Variants in PAPOLG observed in about 807,000 individuals in gnomAD.
The protein encoded by PAPOLG is poly(A) polymerase gamma.
Under a neutral mutation model 99.0 loss-of-function variants are expected in PAPOLG, and 40 were observed. The ratio of observed to expected loss-of-function variants is 0.40; its 90% CI spans 0.31 to 0.53. The LOEUF is 0.53. PAPOLG is among the 20% of genes least tolerant of loss of function. The pLI is 0.41. For synonymous variants in PAPOLG, 310 were observed against 299.3 expected, an observed-to-expected ratio of 1.04 and a Z score of -0.37; for missense variants, 675 against 884.1, an observed-to-expected ratio of 0.76 and a Z score of 3.00.
At position 60,779,669 on chromosome 2, in the gene PAPOLG, C is replaced by G. The variant is rs1671132696; in HGVS notation, c.727C>G (p.Leu243Val). The G allele has an allele frequency of 6.2e-7, 1 of 1,612,992 alleles. No individual in the cohort carries two copies. The highest frequency in any genetic ancestry group is 8.5e-7 in the Non-Finnish European group (1 of 1,179,188). The change falls in exon 9 of 22, where the codon CTT becomes GTT. Residue 243 changes from leucine (L) to valine (V), a missense_variant. This residue lies in a region of PAPOLG where 113 missense variants were observed against 231.5 expected (regional missense o/e 0.49). Coordinates refer to ENST00000238714, the MANE Select transcript of PAPOLG (RefSeq NM_022894.4). Reference protein sequence around the residue: ...RGIYSNMLGFLGGVSWAMLVA... With the variant: ...RGIYSNMLGFVGGVSWAMLVA... ...TATTTATTCCAACATGCTAGGATTC[C>G]TTGGTGGTGTCTCCTGGGCAATGCT...
chr2:60,767,174 G>A (rs1381118883), intron 3 of PAPOLG, among the ~76,000 whole-genome samples: 1 of 152,114 alleles, frequency 6.6e-6, no homozygotes, highest in East Asian at 1.9e-4. Flanking sequence ...AGGATAATGA[G>A]GAACAAAAAT....
Position 60,791,877 on chromosome 2 carries a change from A to G in PAPOLG, c.1513A>G (p.Lys505Glu). The change falls in exon 16 of 22, where the codon AAA becomes GAA. Residue 505 changes from lysine (K) to glutamate (E), a missense_variant. By Grantham distance (56) the Lys-to-Glu change is moderately conservative. Transcript: ENST00000238714. ...YLPAEILQKK[K>E]KQSLSDVNRS... ...TCCTGCAGAAATTCTTCAAAAGAAG[A>G]AAAAGGTGAGTTTATAATCTTAACC... 1 of 1,611,304 alleles carries G rather than the reference A, an allele frequency of 6.2e-7. No homozygotes were observed.
In PAPOLG at chr2:60,757,834, A is replaced by C. The variant is rs533057646; in HGVS notation, c.17+1339A>C. On this transcript the variant is annotated intron_variant, in intron 1 of 21. Coordinates refer to ENST00000238714, the MANE Select transcript of PAPOLG (RefSeq NM_022894.4). Reference sequence around the variant, plus strand: ...AAGGGAATGTGGGATTCTGTTGTTTACTTTCCCCTCCCCTCTAGATGGGGG... The same window carrying C: ...AAGGGAATGTGGGATTCTGTTGTTTCCTTTCCCCTCCCCTCTAGATGGGGG... 5.3e-5 allele frequency among the ~76,000 whole-genome samples: 8 copies of C among 152,254 alleles called. No homozygotes were observed. In the South Asian group the frequency reaches 1.7e-3, roughly 32 times the overall value.
chr2:60,794,011 G>A lies in PAPOLG; in HGVS notation c.1809G>A (p.Val603=). 6.2e-7 allele frequency: 1 copy of A among 1,612,894 alleles called. No homozygotes were observed. Among genetic ancestry groups the A allele is most frequent in the East Asian group, 2.2e-5 (1 of 44,876 alleles). ...TAAAAACTGTATCACCCCCCACTGT[G>A]TGTACCATTCCTACCGTAGTAGGAC... ...STVKTVSPPT[V]CTIPTVVGRN... Residue 603 remains valine, a synonymous_variant, in exon 19 of 22, where the codon GTG becomes GTA. Transcript: ENST00000238714.
intron 21 of PAPOLG, 166 bp downstream of exon 21, chr2:60,795,186 G>T: frequency 1.5e-6 from 1 of 666,640 alleles, no homozygotes; most frequent in Non-Finnish European, 2.7e-6. Context: ...CAAGTATATA[G>T]TTCTGAATGT....
intron 8 of PAPOLG, among the ~76,000 whole-genome samples, chr2:60,778,305 C>T (rs1355961354): frequency 2.0e-5 from 3 of 149,706 alleles, no homozygotes; most frequent in Non-Finnish European, 4.5e-5. Context: ...TGCCACTACA[C>T]CCGGCTAATT....
In PAPOLG at chr2:60,800,877, GA is replaced by G. The variant is rs1207700331; in HGVS notation, c.*3721del. ...TTTGATTTTGCTGTGGTATATTTCT[GA>G]AAATGTGCTGTGGCTCCTAACTAGT... On this transcript the variant is annotated 3_prime_UTR_variant, in exon 22 of 22. Transcript: ENST00000238714. 3.3e-5 allele frequency: 5 copies of G among 152,410 alleles called. No homozygotes were observed. In the East Asian group the frequency reaches 9.4e-4, roughly 29 times the overall value. 9.4% of individuals were successfully genotyped at this position (152,410 alleles called of 1,614,324 possible).
intron 8 of PAPOLG, among the ~76,000 whole-genome samples, chr2:60,778,312 AATTTT>A (rs70959864): frequency 0.24 from 35,881 of 147,828 alleles, 4,637 homozygotes; most frequent in Middle Eastern, 0.34. Context: ...ACACCCGGCT[AATTTT>A]ATTTTATTTT....
intron 15 of PAPOLG, among the ~76,000 whole-genome samples, chr2:60,790,553 T>C (rs1375720064): frequency 6.6e-6 from 1 of 152,226 alleles, no homozygotes; most frequent in Non-Finnish European, 1.5e-5. Flanking sequence ...TGTGAGTTAA[T>C]AAAACCCATT....
chr2:60,794,759 GAAA>G lies in PAPOLG; in HGVS notation c.2042_2044del (p.Lys681del). ...AAGGACCCCCGCACTGCTGAAGAAA[GAAA>G]AAGAAAATCAGTGGTAAATATATTA... On this transcript the variant is annotated inframe_deletion, in exon 20 of 22. Coordinates refer to ENST00000238714, the MANE Select transcript of PAPOLG (RefSeq NM_022894.4). 1 of 1,608,234 alleles carries G rather than the reference GAAA, an allele frequency of 6.2e-7. No homozygotes were observed. The highest frequency in any genetic ancestry group is 8.5e-7 in the Non-Finnish European group (1 of 1,175,038).
intron 5 of PAPOLG, among the ~76,000 whole-genome samples, chr2:60,770,070 C>T (rs535163772): frequency 1.3e-5 from 2 of 152,230 alleles, no homozygotes; most frequent in East Asian, 3.9e-4. Flanking sequence ...CCAGTTTCAT[C>T]CATGTCCCTG....
chr2:60,779,497 A>T lies in PAPOLG; in HGVS notation c.695-140A>T, dbSNP rs1671127147. On this transcript the variant is annotated intron_variant, in intron 8 of 21. Coordinates refer to ENST00000238714, the MANE Select transcript of PAPOLG (RefSeq NM_022894.4). ...TTTAATGTTTTGTTTATAGGGGAAA[A>T]TTTCCAACCAACCGTCTTATGAATA... 4 of 960,376 alleles carry T rather than the reference A, an allele frequency of 4.2e-6. No homozygotes were observed. In the South Asian group the frequency reaches 8.2e-5, roughly 20 times the overall value. 59.5% of individuals were successfully genotyped at this position (960,376 alleles called of 1,614,324 possible).
intron 1 of PAPOLG, among the ~76,000 whole-genome samples, chr2:60,759,326 C>G (rs1306434048): frequency 2.6e-5 from 4 of 151,574 alleles, no homozygotes; most frequent in African/African-American, 9.7e-5. Flanking sequence ...TGAGATCTCC[C>G]CAATGCACTC....
chr2:60,757,776 G>C (rs1217147948), intron 1 of PAPOLG, among the ~76,000 whole-genome samples: 1 of 152,132 alleles, frequency 6.6e-6, no homozygotes, highest in Non-Finnish European at 1.5e-5. Flanking sequence ...AATTTCTCTA[G>C]GTTGTTTGCC....
At chr2:60,764,807 G>T (rs1305631033) in intron 3 of PAPOLG, among the ~76,000 whole-genome samples, 1 of 152,050 alleles carries the variant, frequency 6.6e-6, no homozygotes, top group Non-Finnish European at 1.5e-5. Flanking sequence ...TAAACAGTGG[G>T]CTCAGAATAA....
intron 5 of PAPOLG, among the ~76,000 whole-genome samples, chr2:60,769,639 A>G (rs1670788206): frequency 1.3e-5 from 2 of 152,236 alleles, no homozygotes; most frequent in Non-Finnish European, 2.9e-5. Context: ...TAGATTAATC[A>G]TGAGCTTTCA....
intron 8 of PAPOLG, 107 bp from the exon 9 acceptor site, chr2:60,779,530 C>A: frequency 2.4e-6 from 3 of 1,250,246 alleles, no homozygotes; most frequent in Non-Finnish European, 3.2e-6. Flanking sequence ...ATAAAGTTAC[C>A]TTGTTGAATG....
chr2:60,792,451 C>G (rs1023531317), intron 17 of PAPOLG, among the ~76,000 whole-genome samples, 162 bp downstream of exon 17: 14 of 152,134 alleles, frequency 9.2e-5, no homozygotes, highest in African/African-American at 3.4e-4. Context: ...TCGTGGTAAT[C>G]CTGTGGGAAA....
At chr2:60,770,540 C>T (rs1670820278) in intron 6 of PAPOLG, 29 bp downstream of exon 6, 1 of 1,402,480 alleles carries the variant, frequency 7.1e-7, no homozygotes. Flanking sequence ...TCTGACTTTA[C>T]AATTGAACTG....
Sources: allele counts gnomAD v4.1 joint callset (sites outside exome capture counted in the v4.1 genomes callset), GRCh38; gene constraint gnomAD v4.1.1; regional missense constraint gnomAD v4.1.1; transcripts MANE v1.5; gene names NCBI Gene and HGNC (gene_info 2026-07-23, HGNC 2026-07-21).